RCC1: variants seen among roughly 807,000 people sequenced by gnomAD.
RCC1 encodes the protein regulator of chromosome condensation.
RCC1 carries 11 observed loss-of-function variants against 44.4 expected under a neutral mutation model. The observed-to-expected ratio is 0.25, with a 90% CI of 0.16 to 0.41. The LOEUF is 0.41. RCC1 is among the 10% of genes least tolerant of loss of function. The pLI is 1.00. For missense variants in RCC1, 386 were observed against 547.1 expected, an observed-to-expected ratio of 0.71 and a Z score of 2.94; for synonymous variants, 213 against 216.5, an observed-to-expected ratio of 0.98 and a Z score of 0.14.
intron 5 of RCC1, among the ~76,000 whole-genome samples, chr1:28,530,279 G>C (rs1436319626): frequency 1.3e-5 from 2 of 152,174 alleles, no homozygotes; most frequent in African/African-American, 2.4e-5. Flanking sequence ...CTAGCTGCTG[G>C]GCAAGTCACT....
At chr1:28,535,795 G>A (rs1256910688) in intron 9 of RCC1, 76 bp from the exon 10 acceptor site, 1 of 1,503,212 alleles carries the variant, frequency 6.7e-7, no homozygotes, top group East Asian at 2.3e-5. Context: ...TTATAATGGA[G>A]GAGAATTAAA....
At chr1:28,522,691 T>C (rs1663360378) in intron 4 of RCC1, among the ~76,000 whole-genome samples, 1 of 151,854 alleles carries the variant, frequency 6.6e-6, no homozygotes, top group Non-Finnish European at 1.5e-5. Context: ...GGTACATGCC[T>C]GTAGTCCCAG....
chr1:28,535,704 A>G (rs1664505045), intron 9 of RCC1, 167 bp from the exon 10 acceptor site: 3 of 829,168 alleles, frequency 3.6e-6, no homozygotes, highest in South Asian at 2.8e-5. Context: ...GAATCTGAGC[A>G]AGGCACTTGT....
chr1:28,537,144 A>G (rs1664604545), intron 12 of RCC1, among the ~76,000 whole-genome samples: 1 of 152,134 alleles, frequency 6.6e-6, no homozygotes, highest in South Asian at 2.1e-4. Context: ...GTGAGATATC[A>G]CTGAGGCCTA....
At chr1:28,527,124 G>T in intron 4 of RCC1, 1 of 1,246,066 alleles carries the variant, frequency 8.0e-7, no homozygotes. Flanking sequence ...TGTTCTTCCA[G>T]AAGCAGCAGG....
At chr1:28,535,736 T>TA (rs1408895492) in intron 9 of RCC1, 135 bp from the exon 10 acceptor site, 2 of 1,007,576 alleles carry the variant, frequency 2.0e-6, no homozygotes, top group Non-Finnish European at 3.1e-6. Flanking sequence ...CTCAGTTTCC[T>TA]TTTCTATAAA....
chr1:28,511,436 T>A (rs1243330722), intron 3 of RCC1, among the ~76,000 whole-genome samples: 4 of 151,492 alleles, frequency 2.6e-5, no homozygotes, highest in Middle Eastern at 3.4e-3. Context: ...AGTCTCGCTC[T>A]GTCGCCCAGG....
intron 3 of RCC1, among the ~76,000 whole-genome samples, chr1:28,515,727 A>T (rs1557869533): frequency 6.6e-6 from 1 of 151,802 alleles, no homozygotes; most frequent in Non-Finnish European, 1.5e-5. Flanking sequence ...AAAATAAAAT[A>T]AAAAATACAA....
intron 7 of RCC1, among the ~76,000 whole-genome samples, chr1:28,533,770 CAAAAAAA>C (rs747565890): frequency 3.1e-5 from 1 of 31,984 alleles, no homozygotes; most frequent in East Asian, 2.1e-3. Flanking sequence ...AACTCTGTCT[CAAAAAAA>C]AAAAAAAAAA....
At chr1:28,534,930 G>C (rs1026159084) in intron 7 of RCC1, 120 bp from the exon 8 acceptor site, 3 of 752,052 alleles carry the variant, frequency 4.0e-6, no homozygotes, top group African/African-American at 1.7e-5. Flanking sequence ...ATAAGTATTT[G>C]AGTATGTGGC....
In RCC1 at chr1:28,536,113, G is replaced by A; in HGVS notation, c.817+87G>A. The A allele has an allele frequency of 6.5e-6, 10 of 1,544,278 alleles. No homozygotes were observed. The highest frequency in any genetic ancestry group is 1.9e-5 in the Admixed American group (1 of 51,784). ...CACTCATTCATTGTGCATCCTTTGC[G>A]GGGTCGTCTAACCCCTCCAAGCCAG... On this transcript the variant is annotated intron_variant, in intron 10 of 12. Transcript: ENST00000683442. The surrounding 1 kb of genome is among the most constrained non-coding windows in gnomAD (Gnocchi z 4.9).
At chr1:28,527,817 G>A (rs1160640304) in intron 4 of RCC1, among the ~76,000 whole-genome samples, 2 of 149,654 alleles carry the variant, frequency 1.3e-5, no homozygotes, top group Admixed American at 6.7e-5. Flanking sequence ...CAAGACCAGC[G>A]GGACCAACAT....
At chr1:28,522,925 GA>G (rs1663379804) in intron 4 of RCC1, among the ~76,000 whole-genome samples, 1 of 151,604 alleles carries the variant, frequency 6.6e-6, no homozygotes, top group Non-Finnish European at 1.5e-5. Flanking sequence ...GAAGACCAGT[GA>G]AAAGTTGCTG....
At chr1:28,523,093 G>A (rs1365209194) in intron 4 of RCC1, among the ~76,000 whole-genome samples, 7 of 145,784 alleles carry the variant, frequency 4.8e-5, no homozygotes, top group Admixed American at 1.4e-4. Flanking sequence ...GTGCAGTGGC[G>A]TGATCTCGAC....
intron 4 of RCC1, chr1:28,518,928 G>GC: frequency 6.6e-6 from 1 of 152,354 alleles, no homozygotes; most frequent in East Asian, 1.9e-4. Context: ...AGCGAACTAT[G>GC]CCCTTGAACC....
intron 4 of RCC1, among the ~76,000 whole-genome samples, chr1:28,520,089 A>G (rs539183183): frequency 6.6e-6 from 1 of 152,318 alleles, no homozygotes; most frequent in South Asian, 2.1e-4. Flanking sequence ...CACAGGTTGT[A>G]TAGAACGGGG....
intron 3 of RCC1, chr1:28,509,958 C>T (rs937083649): frequency 6.6e-6 from 1 of 152,158 alleles, no homozygotes; most frequent in African/African-American, 2.4e-5. Context: ...GCCTCTACTA[C>T]CTGGCGCACC....
chr1:28,514,185 T>A (rs1248996441), intron 3 of RCC1, among the ~76,000 whole-genome samples: 2 of 150,254 alleles, frequency 1.3e-5, no homozygotes, highest in African/African-American at 4.9e-5. Flanking sequence ...GCCCGGTGGC[T>A]CACGCCTGTT....
At chr1:28,521,501 GAAAA>G (rs71586849) in intron 4 of RCC1, among the ~76,000 whole-genome samples, 1 of 56,814 alleles carries the variant, frequency 1.8e-5, no homozygotes, top group Non-Finnish European at 4.5e-5. Context: ...CTCCACCTCA[GAAAA>G]AAAAAAAAAA....
Sources: gnomAD v4.1 joint callset for allele counts (sites outside exome capture counted in the v4.1 genomes callset) on GRCh38, gnomAD v4.1.1 for gene constraint, Gnocchi (gnomAD v3.1) non-coding constraint, MANE v1.5 for transcripts, NCBI Gene and HGNC (gene_info 2026-07-23, HGNC 2026-07-21) for gene names.